The following ROCK2 variants were observed in gnomAD, a reference collection of about 807,000 sequenced individuals.
ROCK2 encodes Rho associated coiled-coil containing protein kinase 2.
Under a neutral mutation model 195.1 loss-of-function variants are expected in ROCK2, and 61 were observed. The ratio of observed to expected loss-of-function variants is 0.31; its 90% CI spans 0.25 to 0.39. The LOEUF (loss-of-function observed/expected upper bound fraction) is 0.39, where lower values mean the gene tolerates loss of function less well. ROCK2 is among the 10% of genes least tolerant of loss of function. ROCK2 has a pLI of 1.00. For synonymous variants in ROCK2, 504 were observed against 545.5 expected, an observed-to-expected ratio of 0.92 and a Z score of 1.06; for missense variants, 1,109 against 1,637.4, an observed-to-expected ratio of 0.68 and a Z score of 5.57.
chr2:11,202,179 T>A, intron 20 of ROCK2, 58 bp from the exon 21 acceptor site: 1 of 1,386,750 alleles, frequency 7.2e-7, no homozygotes, highest in South Asian at 1.2e-5. Flanking sequence ...AACGAGCAGC[T>A]CTCAAAGTAT....
chr2:11,219,011 A>G lies in ROCK2; in HGVS notation c.1275T>C (p.Ser425=), dbSNP rs1305332703. 1.4e-6 allele frequency: 2 copies of G among 1,474,978 alleles called. No homozygotes were observed. Among genetic ancestry groups the G allele is most frequent in the Admixed American group, 4.0e-5 (2 of 50,594 alleles). The allele number at this position is 1,474,978 out of a possible 1,614,324, so 91.4% of individuals were successfully genotyped here. ...YYRENLLLSD[S]PSCRETDSIQ... is the part of the protein sequence containing the mutation. The stretch of plus-strand genomic sequence containing the variant: ...TGGAATCAGTTTCTCTACAAGATGG[A>G]GAGTCACTTAATAATCTACATGGAA... Residue 425 remains serine (S), a synonymous_variant, in exon 10 of 33, where the codon TCT becomes TCC. Transcript: ENST00000315872.
intron 1 of ROCK2, among the ~76,000 whole-genome samples, chr2:11,335,150 G>GAC (rs1160863060): frequency 1.3e-4 from 14 of 108,772 alleles, no homozygotes; most frequent in Non-Finnish European, 2.7e-4. Context: ...CACACACACA[G>GAC]ACACACACAC....
chr2:11,254,882 C>G (rs564313814), intron 3 of ROCK2, among the ~76,000 whole-genome samples: 1 of 151,416 alleles, frequency 6.6e-6, no homozygotes, highest in Non-Finnish European at 1.5e-5. Context: ...CCTAAAAGAT[C>G]CAAAGGGAAA....
chr2:11,274,012 C>T (rs1666741624), intron 3 of ROCK2, among the ~76,000 whole-genome samples: 1 of 150,364 alleles, frequency 6.7e-6, no homozygotes, highest in African/African-American at 2.4e-5. Context: ...CACAAATAAC[C>T]AACGAATCAT....
intron 5 of ROCK2, among the ~76,000 whole-genome samples, chr2:11,233,526 C>G (rs1172734530): frequency 1.3e-5 from 2 of 152,132 alleles, no homozygotes; most frequent in Non-Finnish European, 1.5e-5. Context: ...TAAGCATATA[C>G]ATGGGACATA....
intron 3 of ROCK2, among the ~76,000 whole-genome samples, chr2:11,258,058 T>G (rs563669796): frequency 8.6e-5 from 13 of 151,544 alleles, no homozygotes; most frequent in African/African-American, 3.2e-4. Context: ...GGAACTTTTT[T>G]TTTTAAGAAA....
At chr2:11,305,828 T>C (rs1407159689) in intron 1 of ROCK2, among the ~76,000 whole-genome samples, 5 of 152,226 alleles carry the variant, frequency 3.3e-5, no homozygotes, top group Non-Finnish European at 7.3e-5. Flanking sequence ...ACAGGACCAT[T>C]CTGTACTATT....
chr2:11,187,328 C>T (rs1663234740), intron 32 of ROCK2, among the ~76,000 whole-genome samples: 1 of 152,230 alleles, frequency 6.6e-6, no homozygotes, highest in African/African-American at 2.4e-5. Context: ...TGCCATCCCA[C>T]TCTGTCCTGC....
chr2:11,268,090 A>G (rs4303693), intron 3 of ROCK2, among the ~76,000 whole-genome samples: 122,549 of 151,830 alleles, frequency 0.81, 51,098 homozygotes, highest in East Asian at 0.99. Flanking sequence ...GACAGGGGAG[A>G]ACACCAAGCA....
chr2:11,187,036 G>A (rs1663225422), intron 32 of ROCK2, among the ~76,000 whole-genome samples: 1 of 152,134 alleles, frequency 6.6e-6, no homozygotes, highest in South Asian at 2.1e-4. Context: ...AAGATGCTTT[G>A]GAAAGAGTGC....
chr2:11,305,482 C>T (rs956766665), intron 1 of ROCK2, among the ~76,000 whole-genome samples: 6 of 151,500 alleles, frequency 4.0e-5, no homozygotes, highest in African/African-American at 9.7e-5. Context: ...CACACACTTA[C>T]GTGCATGCAC....
At position 11,294,240 on chromosome 2, in the gene ROCK2, A is replaced by G. The variant is rs1034321770; in HGVS notation, c.142-6504T>C. ...AAAGGAAAGAGCAAAAAATCACATTATTGATTTGATCAAGGTTTTAGAAGA... is the reference window on the plus strand; with the variant it reads ...AAAGGAAAGAGCAAAAAATCACATTGTTGATTTGATCAAGGTTTTAGAAGA... On this transcript the variant is annotated intron_variant, in intron 1 of 32. Coordinates refer to ENST00000315872, the MANE Select transcript of ROCK2 (RefSeq NM_004850.5). 5.9e-5 allele frequency among the ~76,000 whole-genome samples: 9 copies of G among 152,194 alleles called. No homozygotes were observed. In the East Asian group the frequency reaches 7.7e-4, roughly 13 times the overall value.
chr2:11,300,338 A>G (rs1300244262), intron 1 of ROCK2, among the ~76,000 whole-genome samples: 1 of 152,128 alleles, frequency 6.6e-6, no homozygotes, highest in Admixed American at 6.5e-5. Context: ...TCTCAGCTCA[A>G]TGCAATCTCC....
In ROCK2 at chr2:11,330,454, C is replaced by CA. The variant is rs1399891296; in HGVS notation, c.141+13541dup. Among the ~76,000 whole-genome samples, 6 of 152,220 alleles carry CA rather than the reference C, an allele frequency of 3.9e-5. 1 individual carries two copies. The South Asian group carries it at 6.2e-4, about 16-fold the overall frequency. On this transcript the variant is annotated intron_variant, in intron 1 of 32. Transcript: ENST00000315872. ...TTTTTCAAAATCATACTAATATTTT[C>CA]ATATTTAATATACAAAATACTTTTA...
chr2:11,293,007 A>G (rs754007392), intron 1 of ROCK2, among the ~76,000 whole-genome samples: 2 of 152,250 alleles, frequency 1.3e-5, no homozygotes, highest in African/African-American at 2.4e-5. Flanking sequence ...TGTCATGATT[A>G]TAAGTTTCCT....
rs1479553118 is a variant in ROCK2, at chr2:11,192,724, A to G, written c.3688-12T>C. 1 of 1,602,450 alleles carries G rather than the reference A, an allele frequency of 6.2e-7. No individual in the cohort carries two copies. Reference sequence around the variant, plus strand: ...TTGGCATACAGAATCTATGAATGCCAAAAGAACAATAAGTGATTTCCAAAC... The same window carrying G: ...TTGGCATACAGAATCTATGAATGCCGAAAGAACAATAAGTGATTTCCAAAC... On this transcript the variant is annotated splice_polypyrimidine_tract_variant and intron_variant, in intron 30 of 32. Transcript: ENST00000315872. This position sits in a 1 kb window ranked among gnomAD's most constrained non-coding sequence, Gnocchi z 5.0.
Position 11,313,727 on chromosome 2 carries a change from C to T in ROCK2, c.142-25991G>A, listed in dbSNP as rs944592563. 3.3e-5 allele frequency among the ~76,000 whole-genome samples: 5 copies of T among 151,828 alleles called. No individual in the cohort carries two copies. In the South Asian group the frequency reaches 6.2e-4, roughly 19 times the overall value. ...TCATATCTATTATGTTTAGATCAGACGGGAATTTGTACAGTTTCATTTTGT... is the reference window on the plus strand; with the variant it reads ...TCATATCTATTATGTTTAGATCAGATGGGAATTTGTACAGTTTCATTTTGT... On this transcript the variant is annotated intron_variant, in intron 1 of 32. Coordinates refer to ENST00000315872, the MANE Select transcript of ROCK2 (RefSeq NM_004850.5).
At chr2:11,344,980 C>T (rs1295226084), upstream of ROCK2, among the ~76,000 whole-genome samples, 1 of 151,068 alleles carries the variant, frequency 6.6e-6, no homozygotes, top group Non-Finnish European at 1.5e-5. The surrounding 1 kb of genome is among the most constrained non-coding windows in gnomAD (Gnocchi z 5.4). Flanking sequence ...CGAGGCGGAA[C>T]CCCAGACGCC....
At chr2:11,223,082 C>T (rs1664691788) in intron 7 of ROCK2, among the ~76,000 whole-genome samples, 2 of 152,112 alleles carry the variant, frequency 1.3e-5, no homozygotes, top group South Asian at 2.1e-4. Flanking sequence ...TTCTTCCACC[C>T]TATCCTCTTA....
Sources: allele counts gnomAD v4.1 joint callset (sites outside exome capture counted in the v4.1 genomes callset), GRCh38; gene constraint gnomAD v4.1.1; non-coding constraint Gnocchi (gnomAD v3.1); transcripts MANE v1.5; gene names NCBI Gene and HGNC (gene_info 2026-07-23, HGNC 2026-07-21).